UBN2: variants seen among roughly 807,000 people sequenced by gnomAD.
The protein encoded by UBN2 is ubinuclein-2.
Under a neutral mutation model 120.2 loss-of-function variants are expected in UBN2, and 35 were observed. The observed-to-expected ratio is 0.29, with a 90% CI of 0.22 to 0.39. UBN2 has a LOEUF of 0.39. UBN2 is among the 10% of genes least tolerant of loss of function. UBN2 has a pLI of 1.00. For synonymous variants in UBN2, 661 were observed against 648.7 expected (o/e 1.02, Z -0.29); for missense variants, 1,693 against 1,663.2 (o/e 1.02, Z -0.31).
At chr7:139,271,890 A>T (rs2131008158) in intron 8 of UBN2, among the ~76,000 whole-genome samples, 1 of 152,330 alleles carries the variant, frequency 6.6e-6, no homozygotes, top group African/African-American at 2.4e-5. Context: ...TCCGGTTGGT[A>T]GTCACCCAAA....
intron 2 of UBN2, among the ~76,000 whole-genome samples, chr7:139,247,486 G>A (rs1470362180): frequency 1.3e-5 from 2 of 152,128 alleles, no homozygotes; most frequent in Non-Finnish European, 2.9e-5. Context: ...TAAAAGAATG[G>A]CCTGTTGGAG....
At chr7:139,249,720 T>C (rs1037948272) in intron 2 of UBN2, among the ~76,000 whole-genome samples, 1 of 152,178 alleles carries the variant, frequency 6.6e-6, no homozygotes, top group Admixed American at 6.5e-5. Flanking sequence ...TGCTTTTGTT[T>C]TTTGAGATAG....
intron 1 of UBN2, among the ~76,000 whole-genome samples, chr7:139,232,225 T>C (rs546652918): frequency 6.6e-6 from 1 of 152,386 alleles, no homozygotes; most frequent in African/African-American, 2.4e-5. Context: ...CTTGTGCACC[T>C]TTCGGAACCT....
the UBN2 span, among the ~76,000 whole-genome samples, chr7:139,326,602 A>G: frequency 1.2e-4 from 18 of 152,294 alleles, no homozygotes; most frequent in African/African-American, 3.9e-4. Flanking sequence ...AGAGTGCCTA[A>G]CTCATAGCAG....
At chr7:139,326,670 C>A in the UBN2 span, among the ~76,000 whole-genome samples, 1 of 152,228 alleles carries the variant, frequency 6.6e-6, no homozygotes, top group Non-Finnish European at 1.5e-5. Flanking sequence ...TTCCTTGAAG[C>A]CAAGACATGG....
At chr7:139,310,073 G>A (rs1208389702), downstream of UBN2, among the ~76,000 whole-genome samples, 1 of 152,136 alleles carries the variant, frequency 6.6e-6, no homozygotes, top group Non-Finnish European at 1.5e-5. Flanking sequence ...ATGGGAAGGG[G>A]CCTCTCCCTG....
intron 17 of UBN2, among the ~76,000 whole-genome samples, chr7:139,297,491 C>T (rs1169368685): frequency 6.6e-6 from 1 of 152,080 alleles, no homozygotes; most frequent in East Asian, 1.9e-4. Context: ...AACCCTCTCA[C>T]AGCATTTGAC....
rs757999626 is a variant in UBN2, at chr7:139,293,889, A to T, written c.3902A>T (p.Asn1301Ile). ...SAAFHHSLTQ[N>I]LLKGLQPGGA... ...ACTGACAAGTCTGTTTTCCTCTCAG[A>T]TTTACTAAAGGGTTTACAGCCAGGA... Residue 1301 changes from asparagine to isoleucine, a missense_variant and splice_region_variant, in exon 17 of 18, where the codon AAT (asparagine) becomes ATT (isoleucine). Transcript: ENST00000473989. The T allele has an allele frequency of 8.1e-6, 13 of 1,613,868 alleles. No homozygotes were observed. Among genetic ancestry groups the T allele is most frequent in the Non-Finnish European group, 1.1e-5 (13 of 1,179,920 alleles).
At chr7:139,256,964 C>T (rs541501475) in intron 3 of UBN2, among the ~76,000 whole-genome samples, 1 of 152,168 alleles carries the variant, frequency 6.6e-6, no homozygotes, top group South Asian at 2.1e-4. Flanking sequence ...TATATTCTTA[C>T]AGTAACTAAT....
Position 139,299,267 on chromosome 7 carries a change from G to A in UBN2, c.*1431G>A, listed in dbSNP as rs971517178. 1.3e-5 allele frequency: 2 copies of A among 151,964 alleles called. No homozygotes were observed. The highest frequency in any genetic ancestry group is 4.8e-5 in the African/African-American group (2 of 41,372). The allele number at this position is 151,964 out of a possible 1,614,324, so 9.4% of individuals were successfully genotyped here. On this transcript the variant is annotated 3_prime_UTR_variant, in exon 18 of 18. Coordinates refer to ENST00000473989, the MANE Select transcript of UBN2 (RefSeq NM_173569.4). Reference sequence around the variant, plus strand: ...CAGAGAATGGTGTAAACTCTAAATGGTATAAGCTTCATCCATTTATAATGA... The same window carrying A: ...CAGAGAATGGTGTAAACTCTAAATGATATAAGCTTCATCCATTTATAATGA...
At chr7:139,295,436 T>C (rs1198159522) in intron 17 of UBN2, among the ~76,000 whole-genome samples, 2 of 152,088 alleles carry the variant, frequency 1.3e-5, no homozygotes, top group Non-Finnish European at 2.9e-5. Context: ...GAGGGTAGTG[T>C]ACTCATGGGC....
chr7:139,300,196 G>T lies in UBN2; in HGVS notation c.*2360G>T, dbSNP rs1031956938. On this transcript the variant is annotated 3_prime_UTR_variant, in exon 18 of 18. Coordinates refer to ENST00000473989, the MANE Select transcript of UBN2 (RefSeq NM_173569.4). Reference sequence around the variant, plus strand: ...CCCTTGGCTCCAAGAATACAATGTGGAGATTCTTCTGTGTTCTCTTTAGTC... The same window carrying T: ...CCCTTGGCTCCAAGAATACAATGTGTAGATTCTTCTGTGTTCTCTTTAGTC... 6.6e-6 allele frequency: 1 copy of T among 152,076 alleles called. No homozygotes were observed. Among genetic ancestry groups the T allele is most frequent in the South Asian group, 2.1e-4 (1 of 4,820 alleles). The allele number at this position is 152,076 out of a possible 1,614,324, so 9.4% of individuals were successfully genotyped here.
chr7:139,262,756 T>C (rs958530666), intron 6 of UBN2, among the ~76,000 whole-genome samples: 2 of 150,962 alleles, frequency 1.3e-5, no homozygotes, highest in Non-Finnish European at 3.0e-5. Flanking sequence ...GAAATAACTA[T>C]AGTGATAACA....
chr7:139,268,930 C>T (rs1041038330), intron 7 of UBN2, among the ~76,000 whole-genome samples: 34 of 152,202 alleles, frequency 2.2e-4, no homozygotes, highest in African/African-American at 8.2e-4. Context: ...GGGCTGGGCG[C>T]AGTGGCTCAC....
At chr7:139,321,724 AAAG>A in the UBN2 span, among the ~76,000 whole-genome samples, 1 of 152,116 alleles carries the variant, frequency 6.6e-6, no homozygotes, top group African/African-American at 2.4e-5. Flanking sequence ...ACCTAGGAGA[AAAG>A]AAGCACCATT....
chr7:139,253,129 G>A (rs552515401), intron 3 of UBN2, among the ~76,000 whole-genome samples: 1 of 152,206 alleles, frequency 6.6e-6, no homozygotes, highest in East Asian at 1.9e-4. Flanking sequence ...CCTTTTAATG[G>A]CTGCTAGTGA....
chr7:139,329,883 T>G, the UBN2 span, among the ~76,000 whole-genome samples: 96 of 152,212 alleles, frequency 6.3e-4, 2 homozygotes, highest in East Asian at 0.017. Context: ...CAGAAAAGCA[T>G]TCTCCCAACT....
At chr7:139,320,012 C>G in the UBN2 span, among the ~76,000 whole-genome samples, 4 of 151,088 alleles carry the variant, frequency 2.6e-5, 1 homozygote, top group South Asian at 8.4e-4. Context: ...GGAGGCAGAG[C>G]TTGCAGTGAG....
rs1444748704 is a variant in UBN2, at chr7:139,261,285, AAAG to A, written c.945_947del (p.Lys316del). On this transcript the variant is annotated inframe_deletion, in exon 6 of 18. Transcript: ENST00000473989. ...CTCTAAATTCACACAAGTCTGAAAAAAAGAAGAAACGTTATAAAGATTCTCTTT... is the reference window on the plus strand; with the variant it reads ...CTCTAAATTCACACAAGTCTGAAAAAAAGAAACGTTATAAAGATTCTCTTT... 11 of 1,610,258 alleles carry A rather than the reference AAAG, an allele frequency of 6.8e-6. No individual in the cohort carries two copies. Among genetic ancestry groups the A allele is most frequent in the Non-Finnish European group, 9.3e-6 (11 of 1,178,996 alleles).
Sources: gnomAD v4.1 joint callset for allele counts (sites outside exome capture counted in the v4.1 genomes callset) on GRCh38, gnomAD v4.1.1 for gene constraint, MANE v1.5 for transcripts, NCBI Gene and HGNC (gene_info 2026-07-23, HGNC 2026-07-21) for gene names.